Variants in PPP2R3A observed in about 807,000 individuals in gnomAD.
PPP2R3A encodes the protein protein phosphatase 2 regulatory subunit B''alpha, also known as serine/threonine-protein phosphatase 2A regulatory subunit B'' subunit alpha.
In PPP2R3A, 80 loss-of-function variants were observed where a neutral mutation model predicts 106.9. That is an observed-to-expected ratio of 0.75 (90% CI 0.62 to 0.90). The LOEUF (loss-of-function observed/expected upper bound fraction) is 0.90. PPP2R3A is among the 40% of genes least tolerant of loss of function. PPP2R3A has a pLI of 0.00. For missense variants in PPP2R3A, 1,386 were observed against 1,350.4 expected (o/e 1.03, Z -0.41); for synonymous variants, 483 against 468.3 (o/e 1.03, Z -0.41).
At chr3:136,142,147 G>A (rs988286522) in intron 13 of PPP2R3A, among the ~76,000 whole-genome samples, 10 of 152,168 alleles carry the variant, frequency 6.6e-5, no homozygotes, top group Non-Finnish European at 1.3e-4. Flanking sequence ...AGCTTACCAG[G>A]GAAGTACAAA....
At chr3:135,974,302 A>C (rs530907758) in intron 1 of PPP2R3A, among the ~76,000 whole-genome samples, 2 of 152,278 alleles carry the variant, frequency 1.3e-5, no homozygotes, top group South Asian at 4.1e-4. Context: ...AATACCATCT[A>C]TACACCAACA....
intron 13 of PPP2R3A, among the ~76,000 whole-genome samples, chr3:136,126,842 C>A (rs147732644): frequency 1.3e-5 from 2 of 152,194 alleles, no homozygotes; most frequent in East Asian, 3.9e-4. Context: ...TGCTGTTCTG[C>A]AGCCTCCGCT....
At chr3:136,067,916 A>G (rs13069408) in intron 5 of PPP2R3A, among the ~76,000 whole-genome samples, 55,839 of 152,084 alleles carry the variant, frequency 0.37, 11,842 homozygotes, top group African/African-American at 0.59. Flanking sequence ...GAAAGTCCCC[A>G]TAAAAACACA....
At chr3:136,101,863 A>G in intron 10 of PPP2R3A, 144 bp from the exon 11 acceptor site, 1 of 947,076 alleles carries the variant, frequency 1.1e-6, no homozygotes, top group Non-Finnish European at 1.5e-6. Context: ...GGGGTCCGCC[A>G]TTTTCTCTAA....
chr3:136,079,063 T>C, intron 7 of PPP2R3A: 1 of 345,000 alleles, frequency 2.9e-6, no homozygotes, highest in Non-Finnish European at 5.9e-6. Context: ...TGAAATGTTT[T>C]ATTTTTAAGA....
chr3:136,108,661 T>C lies in PPP2R3A; in HGVS notation c.3329+2339T>C, dbSNP rs540275966. ...TGGACCCCAGATTTGCATTGTGAAT[T>C]TACTAGAACTCAAGGATGAATAAAG... On this transcript the variant is annotated intron_variant, in intron 13 of 13. Transcript: ENST00000264977. 4.6e-5 allele frequency among the ~76,000 whole-genome samples: 7 copies of C among 151,818 alleles called. No homozygotes were observed. The South Asian group carries it at 1.5e-3, about 31-fold the overall frequency.
intron 5 of PPP2R3A, among the ~76,000 whole-genome samples, chr3:136,060,638 A>G (rs1279962241): frequency 6.6e-6 from 1 of 152,134 alleles, no homozygotes; most frequent in East Asian, 1.9e-4. Flanking sequence ...AGGGCTCCCC[A>G]GGCATGCCTC....
At chr3:136,049,501 T>G in intron 5 of PPP2R3A, 140 bp downstream of exon 5, 1 of 594,776 alleles carries the variant, frequency 1.7e-6, no homozygotes, top group Non-Finnish European at 2.9e-6. Flanking sequence ...CAAACTTGTT[T>G]TAGCAGTAAG....
intron 8 of PPP2R3A, among the ~76,000 whole-genome samples, chr3:136,087,245 GT>G (rs1936965262): frequency 4.0e-5 from 3 of 75,078 alleles, no homozygotes; most frequent in Non-Finnish European, 5.1e-5. Flanking sequence ...CTCTAGTCGT[GT>G]CTCTCTCTCT....
chr3:135,973,789 A>G (rs1249032871), intron 1 of PPP2R3A, among the ~76,000 whole-genome samples: 1 of 152,202 alleles, frequency 6.6e-6, no homozygotes, highest in African/African-American at 2.4e-5. Flanking sequence ...ATACTTACTA[A>G]TTTATCACTA....
At chr3:136,109,739 C>T (rs191316194) in intron 13 of PPP2R3A, among the ~76,000 whole-genome samples, 2 of 152,158 alleles carry the variant, frequency 1.3e-5, no homozygotes, top group Non-Finnish European at 2.9e-5. Context: ...CAGTTTCAAA[C>T]CACATAAAAG....
At chr3:136,129,961 A>G (rs1938338369) in intron 13 of PPP2R3A, among the ~76,000 whole-genome samples, 1 of 152,236 alleles carries the variant, frequency 6.6e-6, no homozygotes, top group Non-Finnish European at 1.5e-5. Context: ...ACAAAATTCA[A>G]CAGCCCTTCA....
chr3:136,092,918 C>G (rs964986100), intron 10 of PPP2R3A, among the ~76,000 whole-genome samples: 1 of 152,252 alleles, frequency 6.6e-6, no homozygotes, highest in East Asian at 1.9e-4. Context: ...CCAACCTTAC[C>G]TTTGGACCCC....
At chr3:136,014,314 C>G (rs1055840024) in intron 2 of PPP2R3A, among the ~76,000 whole-genome samples, 1 of 151,922 alleles carries the variant, frequency 6.6e-6, no homozygotes, top group Non-Finnish European at 1.5e-5. Flanking sequence ...TTTTTTGGTT[C>G]CATATAAATT....
chr3:136,096,722 T>C (rs550173697), intron 10 of PPP2R3A, among the ~76,000 whole-genome samples: 16 of 152,392 alleles, frequency 1.0e-4, no homozygotes, highest in Admixed American at 7.8e-4. Context: ...CCAGTAACTT[T>C]CTTCTTGAGT....
intron 1 of PPP2R3A, among the ~76,000 whole-genome samples, chr3:135,987,972 G>A (rs1248213564): frequency 1.3e-5 from 2 of 151,944 alleles, no homozygotes; most frequent in Admixed American, 6.6e-5. Context: ...CCATCCCTTG[G>A]TGATCTCATC....
intron 1 of PPP2R3A, among the ~76,000 whole-genome samples, chr3:135,998,204 C>T (rs1410862834): frequency 6.6e-6 from 1 of 152,196 alleles, no homozygotes; most frequent in African/African-American, 2.4e-5. Flanking sequence ...ATGTGTTTCC[C>T]TCTACCTGGA....
At chr3:136,006,353 C>T (rs562343354) in intron 2 of PPP2R3A, among the ~76,000 whole-genome samples, 2 of 152,248 alleles carry the variant, frequency 1.3e-5, no homozygotes, top group African/African-American at 4.8e-5. Context: ...ACCATTCTTC[C>T]TTGACTCAGT....
Position 136,145,086 on chromosome 3 carries a change from T to G in PPP2R3A, c.3373T>G (p.Phe1125Val). 1 of 1,613,716 alleles carries G rather than the reference T, an allele frequency of 6.2e-7. No individual in the cohort carries two copies. The highest frequency in any genetic ancestry group is 8.5e-7 in the Non-Finnish European group (1 of 1,179,778). ...AGATGAACCTGCCTCTCCCTCTGAA[T>G]TTGGAAACAAAAGCAATAAAATATT... Reference protein sequence around the residue: ...ETDEPASPSEFGNKSNKILSA... With the variant: ...ETDEPASPSEVGNKSNKILSA... Residue 1125 changes from phenylalanine (F) to valine (V), a missense_variant, in exon 14 of 14, where the codon TTT (phenylalanine) becomes GTT (valine). Transcript: ENST00000264977.
Sources: gnomAD v4.1 joint callset for allele counts (sites outside exome capture counted in the v4.1 genomes callset) on GRCh38, gnomAD v4.1.1 for gene constraint, MANE v1.5 for transcripts, NCBI Gene and HGNC (gene_info 2026-07-23, HGNC 2026-07-21) for gene names.